ADAMTSL1: variants seen among roughly 807,000 people sequenced by gnomAD.
ADAMTSL1 encodes the protein ADAMTS-like protein 1.
In ADAMTSL1, 126 loss-of-function variants were observed where a neutral mutation model predicts 201.8. That is an observed-to-expected ratio of 0.62 (90% confidence interval 0.54 to 0.72). The LOEUF is 0.72. ADAMTSL1 is among the 30% of genes least tolerant of loss of function. ADAMTSL1 has a pLI of 0.00. For missense variants in ADAMTSL1, 2,679 were observed against 2,277.8 expected (o/e 1.18, Z -3.59); for synonymous variants, 1,121 against 903.4 (o/e 1.24, Z -4.32).
intron 2 of ADAMTSL1, among the ~76,000 whole-genome samples, chr9:18,196,806 T>C (rs1212551590): frequency 2.6e-5 from 4 of 152,090 alleles, no homozygotes; most frequent in Non-Finnish European, 5.9e-5. Context: ...TTAGGGACTT[T>C]GCCCAAGCTG....
intron 21 of ADAMTSL1, 101 bp from the exon 22 acceptor site, chr9:18,826,183 C>T: frequency 1.4e-6 from 2 of 1,405,020 alleles, no homozygotes; most frequent in Non-Finnish European, 9.8e-7. Flanking sequence ...TGTAGAGCAG[C>T]CCCAGGGAAG....
At chr9:18,219,701 T>G (rs1830185681) in intron 2 of ADAMTSL1, among the ~76,000 whole-genome samples, 1 of 152,184 alleles carries the variant, frequency 6.6e-6, no homozygotes, top group Non-Finnish European at 1.5e-5. Context: ...TTAATAAAGT[T>G]TCAAATTTTT....
At chr9:18,469,130 C>T (rs557695205), upstream of ADAMTSL1, among the ~76,000 whole-genome samples, 1 of 152,318 alleles carries the variant, frequency 6.6e-6, no homozygotes, top group East Asian at 1.9e-4. Context: ...ACCTAAAAGT[C>T]TGTGTATATC....
intron 2 of ADAMTSL1, among the ~76,000 whole-genome samples, chr9:18,368,066 A>AT (rs71492939): frequency 0.089 from 12,889 of 145,340 alleles, 735 homozygotes; most frequent in East Asian, 0.24. Flanking sequence ...CGCCAGGCTA[A>AT]TTTTTTTTTT....
chr9:18,837,202 A>G (rs1214221038), intron 23 of ADAMTSL1, among the ~76,000 whole-genome samples: 1 of 152,178 alleles, frequency 6.6e-6, no homozygotes, highest in East Asian at 1.9e-4. Flanking sequence ...TGTCTCAAAG[A>G]CGTTCTCATA....
intron 1 of ADAMTSL1, among the ~76,000 whole-genome samples, chr9:18,001,780 T>C (rs1173599229): frequency 6.6e-6 from 1 of 151,948 alleles, no homozygotes. Context: ...GTGATACCAC[T>C]GAGGAGCATC....
rs1007389639 is a variant in ADAMTSL1, at chr9:18,776,686, T to G, written c.2552-95T>G. On this transcript the variant is annotated intron_variant, in intron 18 of 28. Coordinates refer to ENST00000380548, the MANE Select transcript of ADAMTSL1 (RefSeq NM_001040272.6). ...CTCTCCTTCTCTTCTCCACTCTGGC[T>G]CTTTCCTTTGCCCCTCTCTCCTGGC... The G allele has an allele frequency of 3.0e-6, 4 of 1,338,534 alleles. No individual in the cohort carries two copies. The African/African-American group carries it at 5.9e-5, about 20-fold the overall frequency. The allele number at this position is 1,338,534 out of a possible 1,614,324, so 82.9% of individuals were successfully genotyped here. A position where few individuals can be genotyped will look rare whatever the true frequency, so the allele number is the denominator to read the frequency against.
At chr9:18,679,686 T>C (rs1830333454) in intron 10 of ADAMTSL1, among the ~76,000 whole-genome samples, 1 of 152,180 alleles carries the variant, frequency 6.6e-6, no homozygotes, top group South Asian at 2.1e-4. Flanking sequence ...ATGTAGATAA[T>C]ATTAACGCTT....
intron 5 of ADAMTSL1, among the ~76,000 whole-genome samples, chr9:18,629,268 G>T (rs945585783): frequency 6.6e-6 from 1 of 151,952 alleles, no homozygotes; most frequent in East Asian, 1.9e-4. Context: ...TACTGGCTAC[G>T]CATGCAATAC....
chr9:18,556,322 A>G (rs1821107641), intron 3 of ADAMTSL1, among the ~76,000 whole-genome samples: 1 of 152,034 alleles, frequency 6.6e-6, no homozygotes, highest in Non-Finnish European at 1.5e-5. Context: ...ACTTTTTACT[A>G]TAGCTGAGTA....
At chr9:18,468,026 A>G (rs531381928) in intron 2 of ADAMTSL1, among the ~76,000 whole-genome samples, 85 of 152,218 alleles carry the variant, frequency 5.6e-4, no homozygotes, top group Non-Finnish European at 9.7e-4. Context: ...GGTTTACTAT[A>G]TGAATATTAC....
chr9:18,468,433 A>G (rs1162055922), intron 2 of ADAMTSL1, among the ~76,000 whole-genome samples: 1 of 152,178 alleles, frequency 6.6e-6, no homozygotes, highest in Non-Finnish European at 1.5e-5. Flanking sequence ...ATTGAGAGAC[A>G]TGTCCAGTGG....
intron 8 of ADAMTSL1, among the ~76,000 whole-genome samples, chr9:18,658,049 G>C (rs958482787): frequency 2.7e-5 from 4 of 147,064 alleles, no homozygotes; most frequent in African/African-American, 7.6e-5. Flanking sequence ...ATCTCGGCTC[G>C]CTGCAAGCTC....
chr9:18,639,203 T>C (rs1413004074), intron 6 of ADAMTSL1, 51 bp from the exon 7 acceptor site: 2 of 1,580,030 alleles, frequency 1.3e-6, no homozygotes, highest in African/African-American at 2.7e-5. Flanking sequence ...TGCTTGCCTG[T>C]GGTTGCCCTA....
intron 2 of ADAMTSL1, among the ~76,000 whole-genome samples, chr9:18,217,728 C>T (rs1830103608): frequency 6.6e-6 from 1 of 152,180 alleles, no homozygotes; most frequent in Admixed American, 6.5e-5. Context: ...GGTCATTGTG[C>T]TCTATGATCT....
chr9:18,510,685 TTGAG>T (rs1781797201), intron 2 of ADAMTSL1, among the ~76,000 whole-genome samples: 1 of 152,070 alleles, frequency 6.6e-6, no homozygotes, highest in African/African-American at 2.4e-5. Context: ...TGAGGTTTTA[TTGAG>T]TAACTCTTAT....
At chr9:18,826,489 C>T (rs768110938) in intron 22 of ADAMTSL1, 26 bp downstream of exon 22, 1 of 1,594,702 alleles carries the variant, frequency 6.3e-7, no homozygotes. Flanking sequence ...CTGGCTGCCT[C>T]TGCTGCACCC....
At chr9:18,402,721 T>C (rs1044035150) in intron 2 of ADAMTSL1, among the ~76,000 whole-genome samples, 6 of 152,150 alleles carry the variant, frequency 3.9e-5, no homozygotes, top group South Asian at 2.1e-4. Context: ...TGAAATACTT[T>C]CTTGTTCTTC....
At chr9:18,861,426 C>A (rs1006747839) in intron 23 of ADAMTSL1, among the ~76,000 whole-genome samples, 1 of 152,092 alleles carries the variant, frequency 6.6e-6, no homozygotes, top group Non-Finnish European at 1.5e-5. Flanking sequence ...AGAATTGGAC[C>A]CAGGAATCTG....
Sources: gnomAD v4.1 joint callset for allele counts (sites outside exome capture counted in the v4.1 genomes callset) on GRCh38, gnomAD v4.1.1 for gene constraint, MANE v1.5 for transcripts, NCBI Gene and HGNC (gene_info 2026-07-23, HGNC 2026-07-21) for gene names.